BMP5: variants seen among roughly 807,000 people sequenced by gnomAD.
BMP5 encodes bone morphogenetic protein 5.
Under a neutral mutation model 46.6 loss-of-function variants are expected in BMP5, and 23 were observed. The ratio of observed to expected loss-of-function variants is 0.49; its 90% CI spans 0.35 to 0.70. BMP5 has a LOEUF of 0.70. BMP5 is among the 30% of genes least tolerant of loss of function. The pLI is 0.00. For synonymous variants in BMP5, 204 were observed against 191.9 expected (o/e 1.06, Z -0.52); for missense variants, 545 against 565.6 (o/e 0.96, Z 0.37).
chr6:55,772,784 C>T, intron 4 of BMP5: 1 of 985,042 alleles, frequency 1.0e-6, no homozygotes, highest in Non-Finnish European at 1.2e-6. Context: ...TAATGCAATT[C>T]CATACAGAAA....
intron 1 of BMP5, among the ~76,000 whole-genome samples, chr6:55,873,577 A>C (rs1408263878): frequency 6.6e-6 from 1 of 151,934 alleles, no homozygotes; most frequent in East Asian, 1.9e-4. Context: ...ATCAGTATTT[A>C]AAAACCACCA....
intron 3 of BMP5, among the ~76,000 whole-genome samples, chr6:55,785,506 A>G (rs1291454031): frequency 1.3e-5 from 2 of 151,814 alleles, no homozygotes; most frequent in Non-Finnish European, 3.0e-5. Context: ...TTAAGACATT[A>G]CGCGAGTTAG....
chr6:55,862,950 T>C lies in BMP5; in HGVS notation c.490+11426A>G, dbSNP rs114107508. Among the ~76,000 whole-genome samples, 610 of 152,304 alleles carry C rather than the reference T, an allele frequency of 4.0e-3. 2 individuals are homozygous for C. Among genetic ancestry groups the C allele is most frequent in the African/African-American group, 0.014 (578 of 41,574 alleles). On this transcript the variant is annotated intron_variant, in intron 1 of 6. Transcript: ENST00000370830. ...TTTAATTTTACTTGGTGCTAGATTT[T>C]GGGTGTGATTTATTTAAAGTATGTG...
intron 1 of BMP5, among the ~76,000 whole-genome samples, chr6:55,825,260 T>A (rs1430329423): frequency 6.6e-6 from 1 of 151,896 alleles, no homozygotes; most frequent in Non-Finnish European, 1.5e-5. Flanking sequence ...GGAGCAGGTT[T>A]CTTTGTGTGT....
chr6:55,773,188 A>G (rs1050772892), intron 4 of BMP5, among the ~76,000 whole-genome samples: 4 of 151,942 alleles, frequency 2.6e-5, no homozygotes, highest in African/African-American at 4.8e-5. Flanking sequence ...AGAAGAATGC[A>G]TATTTGACAA....
intron 2 of BMP5, among the ~76,000 whole-genome samples, chr6:55,800,655 T>A (rs1162210673): frequency 6.6e-6 from 1 of 152,154 alleles, no homozygotes; most frequent in African/African-American, 2.4e-5. Flanking sequence ...ACAAAAAAAA[T>A]TGACCAAGAA....
intron 2 of BMP5, among the ~76,000 whole-genome samples, chr6:55,811,993 C>T (rs767782065): frequency 6.6e-6 from 1 of 152,164 alleles, no homozygotes; most frequent in Non-Finnish European, 1.5e-5. Context: ...CCTATTTACT[C>T]GGCCTTATGT....
At chr6:55,867,331 C>T (rs1280462072) in intron 1 of BMP5, among the ~76,000 whole-genome samples, 1 of 152,086 alleles carries the variant, frequency 6.6e-6, no homozygotes, top group Non-Finnish European at 1.5e-5. Flanking sequence ...TGCCCCCTGC[C>T]CAGGAGTAGT....
chr6:55,771,057 A>G lies in BMP5; in HGVS notation c.1027+2992T>C, dbSNP rs115781194. 4.4e-3 allele frequency among the ~76,000 whole-genome samples: 676 copies of G among 152,008 alleles called. 3 individuals carry two copies. The highest frequency in any genetic ancestry group is 0.015 in the African/African-American group (632 of 41,538). On this transcript the variant is annotated intron_variant, in intron 4 of 6. Coordinates refer to ENST00000370830, the MANE Select transcript of BMP5 (RefSeq NM_021073.4). ...AAACCAAGTAAACAAATGCTGTTGG[A>G]AAAAATGTCACCAATAGACTTGCTT...
At chr6:55,775,219 A>G (rs1402849809) in intron 3 of BMP5, among the ~76,000 whole-genome samples, 2 of 151,928 alleles carry the variant, frequency 1.3e-5, no homozygotes, top group Non-Finnish European at 2.9e-5. Flanking sequence ...GGGTAGTAAT[A>G]ATAATACTTA....
intron 1 of BMP5, among the ~76,000 whole-genome samples, chr6:55,857,742 T>G (rs1325685689): frequency 2.0e-5 from 3 of 152,220 alleles, no homozygotes; most frequent in Admixed American, 6.5e-5. Context: ...TATTTATTTA[T>G]TTTTGGTTTT....
At chr6:55,848,548 T>C (rs1777150961) in intron 1 of BMP5, among the ~76,000 whole-genome samples, 1 of 152,066 alleles carries the variant, frequency 6.6e-6, no homozygotes, top group Non-Finnish European at 1.5e-5. Flanking sequence ...TTTGCTGCTG[T>C]AACCTCAGGG....
chr6:55,843,234 A>G (rs954513396), intron 1 of BMP5, among the ~76,000 whole-genome samples: 1 of 152,164 alleles, frequency 6.6e-6, no homozygotes, highest in Non-Finnish European at 1.5e-5. Flanking sequence ...ATAAGTAATT[A>G]GCTTTTAAAG....
intron 4 of BMP5, 135 bp downstream of exon 4, chr6:55,773,914 G>T: frequency 1.0e-6 from 1 of 964,748 alleles, no homozygotes; most frequent in Non-Finnish European, 1.6e-6. Context: ...ATTCTGGGAT[G>T]CTAGAAACAT....
At position 55,756,691 on chromosome 6, in the gene BMP5, G is replaced by A. The variant is rs569328152; in HGVS notation, c.1216-1009C>T. On this transcript the variant is annotated intron_variant, in intron 6 of 6. Transcript: ENST00000370830. ...GGGGCCTTGCATGTGGACAGAAACA[G>A]CAGGAAAAATGAGGTGATCTGACAT... Among the ~76,000 whole-genome samples, 68 of 151,998 alleles carry A rather than the reference G, an allele frequency of 4.5e-4. No homozygotes were observed. In the East Asian group the frequency reaches 0.012, roughly 27 times the overall value.
intron 1 of BMP5, among the ~76,000 whole-genome samples, chr6:55,858,954 C>T (rs12193956): frequency 0.11 from 16,486 of 152,078 alleles, 944 homozygotes; most frequent in Middle Eastern, 0.17. Flanking sequence ...ACATCACACA[C>T]TGGGGCCTGT....
chr6:55,874,347 A>G (rs1777850600), intron 1 of BMP5, 29 bp downstream of exon 1: 2 of 1,612,530 alleles, frequency 1.2e-6, no homozygotes, highest in East Asian at 4.5e-5. Context: ...TTGTAATAAC[A>G]TAGATTAACA....
At chr6:55,863,634 A>G (rs1285304822) in intron 1 of BMP5, among the ~76,000 whole-genome samples, 1 of 152,218 alleles carries the variant, frequency 6.6e-6, no homozygotes, top group East Asian at 1.9e-4. Flanking sequence ...ATATACGATA[A>G]GCAGCCACAT....
At chr6:55,827,283 G>A (rs1202416263) in intron 1 of BMP5, among the ~76,000 whole-genome samples, 1 of 151,716 alleles carries the variant, frequency 6.6e-6, no homozygotes, top group African/African-American at 2.4e-5. Context: ...TCTGACCTGA[G>A]TGCTCTTAGG....
Sources: gnomAD v4.1 joint callset for allele counts (sites outside exome capture counted in the v4.1 genomes callset) on GRCh38, gnomAD v4.1.1 for gene constraint, MANE v1.5 for transcripts, NCBI Gene and HGNC (gene_info 2026-07-23, HGNC 2026-07-21) for gene names.